The following PKNOX2 variants were observed in gnomAD, a reference collection of about 807,000 sequenced individuals.
The protein encoded by PKNOX2 is PBX/knotted 1 homeobox 2, also known as homeobox protein PKNOX2.
Under a neutral mutation model 53.1 loss-of-function variants are expected in PKNOX2, and 14 were observed. The ratio of observed to expected loss-of-function variants is 0.26; its 90% CI spans 0.17 to 0.41. PKNOX2 has a LOEUF of 0.41. PKNOX2 is among the 10% of genes least tolerant of loss of function. PKNOX2 has a pLI of 1.00. For synonymous variants in PKNOX2, 257 were observed against 242.8 expected (o/e 1.06, Z -0.54); for missense variants, 496 against 602.8 (o/e 0.82, Z 1.85).
intron 7 of PKNOX2, among the ~76,000 whole-genome samples, chr11:125,400,003 C>T (rs898951427): frequency 1.5e-4 from 23 of 152,302 alleles, no homozygotes; most frequent in East Asian, 7.7e-4. Flanking sequence ...TGGAGAATCC[C>T]GGCACTCAGC....
At chr11:125,178,510 C>CAA (rs56057149) in intron 1 of PKNOX2, among the ~76,000 whole-genome samples, 1 of 91,886 alleles carries the variant, frequency 1.1e-5, no homozygotes, top group Non-Finnish European at 2.1e-5. Flanking sequence ...AACTCTGTCT[C>CAA]AAAAAAAAAA....
intron 1 of PKNOX2, among the ~76,000 whole-genome samples, chr11:125,211,703 GGA>G (rs1939871988): frequency 6.6e-6 from 1 of 152,080 alleles, no homozygotes; most frequent in Non-Finnish European, 1.5e-5. Flanking sequence ...CGGCTGCTCG[GGA>G]GAGAGCTGGT....
At chr11:125,357,292 C>T (rs908983022) in intron 4 of PKNOX2, among the ~76,000 whole-genome samples, 14 of 152,160 alleles carry the variant, frequency 9.2e-5, no homozygotes, top group Non-Finnish European at 1.6e-4. Flanking sequence ...CTGGACTCTT[C>T]ATTGTGTAAA....
chr11:125,285,799 A>AAC lies in PKNOX2; in HGVS notation c.-129-46016_-129-46015dup, dbSNP rs1230749991. 4.6e-5 allele frequency among the ~76,000 whole-genome samples: 7 copies of AAC among 152,322 alleles called. No individual in the cohort carries two copies. The South Asian group carries it at 6.2e-4, about 14-fold the overall frequency. ...TTTGCATTAAATAAATTCTATTAAA[A>AAC]ACACAGGTAATAAATACTCCAAGCT... On this transcript the variant is annotated intron_variant, in intron 2 of 12. Transcript: ENST00000298282.
rs1956234539 is a variant in PKNOX2, at chr11:125,422,812, A to G, written c.937-6200A>G. ...AAAATGTCCCCATCATAGTACATGC[A>G]GGAAATAAAACCCATTTGAAAAAAT... On this transcript the variant is annotated intron_variant, in intron 10 of 12. Coordinates refer to ENST00000298282, the MANE Select transcript of PKNOX2 (RefSeq NM_001382323.2). The surrounding 1 kb of genome is among the most constrained non-coding windows in gnomAD (Gnocchi z 4.1). Among the ~76,000 whole-genome samples, 1 of 152,182 alleles carries G rather than the reference A, an allele frequency of 6.6e-6. No homozygotes were observed. The highest frequency in any genetic ancestry group is 1.5e-5 in the Non-Finnish European group (1 of 68,022).
chr11:125,174,002 G>C (rs774773789), intron 1 of PKNOX2, among the ~76,000 whole-genome samples: 1 of 152,144 alleles, frequency 6.6e-6, no homozygotes, highest in Non-Finnish European at 1.5e-5. Flanking sequence ...TTCCCCTCAC[G>C]GTCCTCAGTC....
At chr11:125,266,366 T>C (rs1267725109) in intron 2 of PKNOX2, among the ~76,000 whole-genome samples, 1 of 152,150 alleles carries the variant, frequency 6.6e-6, no homozygotes, top group East Asian at 1.9e-4. Flanking sequence ...TGGGAGATGT[T>C]ACACTGACTT....
chr11:125,416,721 CAGA>C (rs1289423681), intron 10 of PKNOX2, among the ~76,000 whole-genome samples: 1 of 152,076 alleles, frequency 6.6e-6, no homozygotes, highest in Non-Finnish European at 1.5e-5. Context: ...TAATGATTTA[CAGA>C]AGAAGTGGAA....
At position 125,165,259 on chromosome 11, in the gene PKNOX2, G is replaced by C. The variant is rs1954772304; in HGVS notation, c.-201+483G>C. Among the ~76,000 whole-genome samples the C allele has an allele frequency of 6.6e-6, 1 of 151,996 alleles. No homozygotes were observed. The highest frequency in any genetic ancestry group is 6.6e-5 in the Admixed American group (1 of 15,266). ...CTCGAATCGCCGCGGGCCCAACCCCGTAGCGGGCGGGCGGGGAGCTGTGCG... is the reference window on the plus strand; with the variant it reads ...CTCGAATCGCCGCGGGCCCAACCCCCTAGCGGGCGGGCGGGGAGCTGTGCG... On this transcript the variant is annotated intron_variant, in intron 1 of 12. Transcript: ENST00000298282. This position sits in a 1 kb window ranked among gnomAD's most constrained non-coding sequence, Gnocchi z 4.5.
intron 4 of PKNOX2, among the ~76,000 whole-genome samples, chr11:125,358,479 AGTTAGGG>A (rs1464834390): frequency 1.3e-5 from 2 of 152,232 alleles, no homozygotes; most frequent in African/African-American, 4.8e-5. Context: ...CAGGAAATGC[AGTTAGGG>A]GCAGTGAATG....
chr11:125,244,441 G>T (rs184328616), intron 2 of PKNOX2, among the ~76,000 whole-genome samples: 1 of 152,170 alleles, frequency 6.6e-6, no homozygotes, highest in East Asian at 1.9e-4. Flanking sequence ...TCTTGGTGGG[G>T]TTGGCCCCAG....
intron 2 of PKNOX2, among the ~76,000 whole-genome samples, chr11:125,237,639 T>C (rs1942817331): frequency 6.6e-6 from 1 of 152,152 alleles, no homozygotes; most frequent in African/African-American, 2.4e-5. Flanking sequence ...TGTCCCTTAA[T>C]TCACAGAATG....
chr11:125,333,535 G>GACACACACACACATACACACACAC (rs1950254862), intron 3 of PKNOX2, among the ~76,000 whole-genome samples: 9 of 131,978 alleles, frequency 6.8e-5, no homozygotes, highest in South Asian at 2.3e-4. Flanking sequence ...TCAGTCCCAA[G>GACACACACACACATACACACACAC]ACACACACAC....
At chr11:125,359,549 A>G (rs1951811111) in intron 4 of PKNOX2, among the ~76,000 whole-genome samples, 1 of 152,054 alleles carries the variant, frequency 6.6e-6, no homozygotes, top group African/African-American at 2.4e-5. Flanking sequence ...GCCCCCCAAC[A>G]ATGTTCATGT....
At chr11:125,206,682 C>T (rs948906572) in intron 1 of PKNOX2, among the ~76,000 whole-genome samples, 2 of 152,024 alleles carry the variant, frequency 1.3e-5, no homozygotes, top group African/African-American at 2.4e-5. Context: ...GTTAAGAGGG[C>T]GAAATCATAG....
intron 7 of PKNOX2, among the ~76,000 whole-genome samples, chr11:125,399,703 T>C (rs1282717493): frequency 6.6e-6 from 1 of 152,134 alleles, no homozygotes; most frequent in Non-Finnish European, 1.5e-5. Context: ...TTAGCACAAG[T>C]CTTTGGAAAT....
At position 125,213,233 on chromosome 11, in the gene PKNOX2, C is replaced by T. The variant is rs147370793; in HGVS notation, c.-200-21812C>T. Among the ~76,000 whole-genome samples the T allele has an allele frequency of 5.9e-4, 90 of 152,182 alleles. 1 individual carries two copies. Among genetic ancestry groups the T allele is most frequent in the Non-Finnish European group, 6.3e-4 (43 of 67,964 alleles). ...TCTTCACATCTGCCACCTCTTCCTG[C>T]CCTTTGTAGAGAGTGTGGAGCTCAC... On this transcript the variant is annotated intron_variant, in intron 1 of 12. Transcript: ENST00000298282.
chr11:125,339,138 G>C (rs1950559912), intron 3 of PKNOX2, among the ~76,000 whole-genome samples: 1 of 152,152 alleles, frequency 6.6e-6, no homozygotes, highest in African/African-American at 2.4e-5. Context: ...AAGGGGACGG[G>C]ACCTGGCAGA....
intron 2 of PKNOX2, among the ~76,000 whole-genome samples, chr11:125,327,191 T>G (rs551116870): frequency 6.6e-6 from 1 of 152,146 alleles, no homozygotes; most frequent in Non-Finnish European, 1.5e-5. Flanking sequence ...TCTTCACTTA[T>G]CCAACTCATC....
Sources: gnomAD v4.1 joint callset for allele counts (sites outside exome capture counted in the v4.1 genomes callset) on GRCh38, gnomAD v4.1.1 for gene constraint, Gnocchi (gnomAD v3.1) non-coding constraint, MANE v1.5 for transcripts, NCBI Gene and HGNC (gene_info 2026-07-23, HGNC 2026-07-21) for gene names.